The following PCBP2 variants were observed in gnomAD, a reference collection of about 807,000 sequenced individuals.
PCBP2 encodes poly(rC)-binding protein 2.
In PCBP2, 4 loss-of-function variants were observed where a neutral mutation model predicts 50.1. The observed-to-expected ratio is 0.08, with a 90% CI of 0.04 to 0.18. The LOEUF is 0.18. Ranked by LOEUF, PCBP2 falls within the 10% of genes least tolerant of loss-of-function variation. The pLI is 1.00. For synonymous variants in PCBP2, 179 were observed against 168.0 expected, an observed-to-expected ratio of 1.07 and a Z score of -0.51; for missense variants, 161 against 474.3, an observed-to-expected ratio of 0.34 and a Z score of 6.14.
At chr12:53,473,547 C>T (rs775579113) in intron 14 of PCBP2, among the ~76,000 whole-genome samples, 7 of 152,184 alleles carry the variant, frequency 4.6e-5, no homozygotes, top group Non-Finnish European at 8.8e-5. Context: ...TTGCCTAGCT[C>T]CTGCAATAGG....
intron 14 of PCBP2, 95 bp from the exon 15 acceptor site, chr12:53,479,311 C>T: frequency 1.9e-6 from 2 of 1,080,068 alleles, no homozygotes; most frequent in Non-Finnish European, 2.9e-6. Context: ...TACTCCAGCA[C>T]TGGTTATTTA....
chr12:53,452,201 C>T lies in PCBP2; in HGVS notation c.-251C>T, dbSNP rs1940574956. On this transcript the variant is annotated 5_prime_UTR_variant, in exon 1 of 15. Transcript: ENST00000546463. ...CGCCCGCCCTCCGCCGCCCTCCACC[C>T]GCCCCGGGGTCTCTTTCCCCCTTCC... 7.4e-6 allele frequency: 1 copy of T among 134,544 alleles called. No homozygotes were observed. Among genetic ancestry groups the T allele is most frequent in the South Asian group, 2.2e-4 (1 of 4,514 alleles). 8.3% of individuals were successfully genotyped at this position (134,544 alleles called of 1,614,324 possible).
rs5798266 is a variant in PCBP2 at position 53,468,917 on chromosome 12, C to CTTTTTTTTTTTTTT, written c.882+91_882+104dup. ...GTCGTTTCAGCAGTGTCCTGCTACC[C>CTTTTTTTTTTTTTT]TTTTTTTTTTTTTTTTTTTAAACAG... On this transcript the variant is annotated intron_variant, in intron 13 of 14. Transcript: ENST00000546463. 3.3e-5 allele frequency: 19 copies of CTTTTTTTTTTTTTT among 574,538 alleles called. No individual in the cohort carries two copies. The African/African-American group carries it at 3.9e-4, about 12-fold the overall frequency. 35.6% of individuals were successfully genotyped at this position (574,538 alleles called of 1,614,324 possible).
At chr12:53,457,617 A>C (rs946634305) in intron 5 of PCBP2, among the ~76,000 whole-genome samples, 5 of 152,156 alleles carry the variant, frequency 3.3e-5, no homozygotes, top group African/African-American at 1.2e-4. Context: ...AAGTGCTGGG[A>C]TTACAGGCAG....
chr12:53,455,275 A>G, intron 2 of PCBP2, 72 bp from the exon 3 acceptor site: 1 of 1,430,808 alleles, frequency 7.0e-7, no homozygotes. Context: ...AGAAAAAGGA[A>G]AAATAAAATA....
chr12:53,456,917 T>C (rs980441952), intron 5 of PCBP2, among the ~76,000 whole-genome samples: 3 of 144,548 alleles, frequency 2.1e-5, no homozygotes, highest in Non-Finnish European at 4.6e-5. Context: ...TGAAATCTTA[T>C]CTTTGCCAAG....
chr12:53,467,987 GC>G (rs1565867661), intron 12 of PCBP2, 144 bp downstream of exon 12: 1 of 675,722 alleles, frequency 1.5e-6, no homozygotes, highest in Non-Finnish European at 2.6e-6. Context: ...TGGGCCTGGA[GC>G]CCCCGAGGGT....
In PCBP2 at chr12:53,478,379, CT is replaced by C. The variant is rs553311020; in HGVS notation, c.1053-1026del. Among the ~76,000 whole-genome samples, 158 of 152,064 alleles carry C rather than the reference CT, an allele frequency of 1.0e-3. 1 individual carries two copies. Among genetic ancestry groups the C allele is most frequent in the African/African-American group, 3.5e-3 (147 of 41,456 alleles). On this transcript the variant is annotated intron_variant, in intron 14 of 14. Coordinates refer to ENST00000546463, the MANE Select transcript of PCBP2 (RefSeq NM_031989.5). ...AAAAATTAGCTGGGCATGGTGACAG[CT>C]GCCTGGAATTGCAGCTACTCAGGAG...
intron 9 of PCBP2, among the ~76,000 whole-genome samples, chr12:53,465,316 G>T (rs770345331): frequency 1.3e-5 from 2 of 152,048 alleles, no homozygotes; most frequent in Non-Finnish European, 2.9e-5. Flanking sequence ...GGAGGGCATA[G>T]TGGGAGCTGC....
chr12:53,457,720 CAT>C (rs989240858), intron 5 of PCBP2, among the ~76,000 whole-genome samples: 8 of 152,022 alleles, frequency 5.3e-5, no homozygotes, highest in Non-Finnish European at 1.0e-4. Flanking sequence ...AAGGAATAAA[CAT>C]GTCCTTGTCT....
At position 53,452,166 on chromosome 12, in the gene PCBP2, TCCGC is replaced by T. The variant is rs1010753844; in HGVS notation, c.-271_-268del. 3 of 17,446 alleles carry T rather than the reference TCCGC, an allele frequency of 1.7e-4. No individual in the cohort carries two copies. Among genetic ancestry groups the T allele is most frequent in the African/African-American group, 4.6e-4 (2 of 4,330 alleles). 1.1% of individuals were successfully genotyped at this position (17,446 alleles called of 1,614,324 possible). On this transcript the variant is annotated 5_prime_UTR_variant, in exon 1 of 15. Transcript: ENST00000546463. ...TGCGCCCTCTCCCGCCCGCCCGCCC[TCCGC>T]CCGCCCGCCCGCCCTCCGCCGCCCT...
chr12:53,457,207 T>C (rs1941095255), intron 5 of PCBP2, among the ~76,000 whole-genome samples: 1 of 152,050 alleles, frequency 6.6e-6, no homozygotes, highest in Admixed American at 6.5e-5. Context: ...CCACCCTGCC[T>C]GGATAATTTT....
chr12:53,463,119 G>A (rs370818398), intron 8 of PCBP2, among the ~76,000 whole-genome samples: 13 of 152,288 alleles, frequency 8.5e-5, no homozygotes, highest in Admixed American at 5.9e-4. Context: ...ATCAGCTGGG[G>A]TAAGAGTTCA....
At chr12:53,461,917 C>T (rs946407988) in intron 7 of PCBP2, among the ~76,000 whole-genome samples, 1 of 152,104 alleles carries the variant, frequency 6.6e-6, no homozygotes, top group African/African-American at 2.4e-5. Context: ...CCATGTTGCC[C>T]AGGCTGGTCT....
At chr12:53,452,647 G>T (rs866693240) in intron 1 of PCBP2, among the ~76,000 whole-genome samples, 14 of 151,894 alleles carry the variant, frequency 9.2e-5, no homozygotes, top group East Asian at 2.0e-4. Flanking sequence ...GCGCGGTAGG[G>T]GGGGCGGCGG....
intron 9 of PCBP2, 132 bp downstream of exon 9, chr12:53,464,984 C>A: frequency 1.7e-6 from 2 of 1,169,418 alleles, no homozygotes; most frequent in South Asian, 2.3e-5. Context: ...GGGACCTGGA[C>A]TGACCCCCCC....
intron 1 of PCBP2, among the ~76,000 whole-genome samples, chr12:53,454,166 AG>A (rs1169676900): frequency 6.6e-6 from 1 of 152,214 alleles, no homozygotes; most frequent in African/African-American, 2.4e-5. Flanking sequence ...CTTTTCAGTG[AG>A]GGTGTTGATC....
intron 14 of PCBP2, chr12:53,475,816 A>G (rs1297673944): frequency 6.6e-6 from 1 of 152,222 alleles, no homozygotes; most frequent in African/African-American, 2.4e-5. Flanking sequence ...GTGGCAGTTT[A>G]GATCCTGAAG....
At chr12:53,460,575 T>C (rs1250899422) in intron 6 of PCBP2, 1 of 218,102 alleles carries the variant, frequency 4.6e-6, no homozygotes, top group Non-Finnish European at 9.6e-6. Flanking sequence ...GTATCGTACA[T>C]GGCACGACAG....
Sources: allele counts gnomAD v4.1 joint callset (sites outside exome capture counted in the v4.1 genomes callset), GRCh38; gene constraint gnomAD v4.1.1; transcripts MANE v1.5; gene names NCBI Gene and HGNC (gene_info 2026-07-23, HGNC 2026-07-21).